BCKDHB: variants seen among roughly 807,000 people sequenced by gnomAD.
The protein encoded by BCKDHB is 2-oxoisovalerate dehydrogenase subunit beta, mitochondrial.
A neutral mutation model predicts 48.5 loss-of-function variants in BCKDHB; 41 were observed. The ratio of observed to expected loss-of-function variants is 0.85; its 90% CI spans 0.66 to 1.10. The LOEUF (loss-of-function observed/expected upper bound fraction) is 1.10, where lower values mean the gene tolerates loss of function less well. BCKDHB is among the 50% of genes least tolerant of loss of function. The pLI is 0.00. For synonymous variants in BCKDHB, 201 were observed against 174.8 expected (o/e 1.15, Z -1.18); for missense variants, 496 against 494.2 (o/e 1.00, Z -0.03).
chr6:80,137,931 TAAAA>T lies in BCKDHB; in HGVS notation c.343+8711_343+8714del, dbSNP rs112757019. ...AGATGACCCCACCCCTACAAAAAAT[TAAAA>T]AAAAAAAATAGCTGAGCAGGGTGGC... On this transcript the variant is annotated intron_variant, in intron 3 of 9. Coordinates refer to ENST00000320393, the MANE Select transcript of BCKDHB (RefSeq NM_183050.4). 1.8e-3 allele frequency among the ~76,000 whole-genome samples: 263 copies of T among 144,756 alleles called. 1 individual carries two copies. Among genetic ancestry groups the T allele is most frequent in the African/African-American group, 6.3e-3 (249 of 39,574 alleles). The allele number at this position is 144,756 out of a possible 152,430, so 95.0% of individuals were successfully genotyped here.
intron 1 of BCKDHB, among the ~76,000 whole-genome samples, chr6:80,108,050 A>G (rs1002032931): frequency 3.3e-5 from 5 of 152,074 alleles, no homozygotes; most frequent in Non-Finnish European, 7.4e-5. Flanking sequence ...CATCTCATTT[A>G]AGGGTTAGGA....
At chr6:80,214,589 G>A (rs1775082987) in intron 8 of BCKDHB, among the ~76,000 whole-genome samples, 2 of 152,160 alleles carry the variant, frequency 1.3e-5, no homozygotes, top group South Asian at 4.1e-4. Flanking sequence ...GATGGAAAGG[G>A]AGCTAGTAAC....
chr6:80,320,872 A>G (rs754770213), intron 9 of BCKDHB, among the ~76,000 whole-genome samples: 1 of 152,190 alleles, frequency 6.6e-6, no homozygotes, highest in Non-Finnish European at 1.5e-5. Context: ...AAATGAAAGT[A>G]TAATGCCTTC....
chr6:80,253,726 A>G (rs1210271387), intron 8 of BCKDHB, among the ~76,000 whole-genome samples: 1 of 152,066 alleles, frequency 6.6e-6, no homozygotes, highest in African/African-American at 2.4e-5. Context: ...TTGCCCCCCA[A>G]AGTCATAGCT....
At chr6:80,249,721 TA>T (rs1461610943) in intron 8 of BCKDHB, among the ~76,000 whole-genome samples, 5 of 152,184 alleles carry the variant, frequency 3.3e-5, no homozygotes, top group Non-Finnish European at 5.9e-5. Context: ...GATTTGAATG[TA>T]AAAAGTTTTA....
intron 6 of BCKDHB, among the ~76,000 whole-genome samples, chr6:80,193,641 A>G (rs1010451902): frequency 4.6e-5 from 7 of 151,354 alleles, no homozygotes; most frequent in African/African-American, 1.7e-4. Context: ...AATTGCATGA[A>G]CCCAGGAGGT....
chr6:80,381,270 A>G, the BCKDHB span, among the ~76,000 whole-genome samples: 3 of 152,000 alleles, frequency 2.0e-5, no homozygotes, highest in Admixed American at 2.0e-4. Context: ...GACACCTCTG[A>G]GAATAGAACT....
chr6:80,123,982 G>A (rs565971248), intron 1 of BCKDHB, among the ~76,000 whole-genome samples: 1 of 152,164 alleles, frequency 6.6e-6, no homozygotes, highest in Non-Finnish European at 1.5e-5. Flanking sequence ...TAATTGTGAT[G>A]TTAGGGTGTC....
intron 3 of BCKDHB, among the ~76,000 whole-genome samples, chr6:80,159,067 AT>A (rs1772190808): frequency 1.3e-5 from 2 of 152,316 alleles, no homozygotes; most frequent in South Asian, 4.1e-4. Context: ...AGGTGTTAAT[AT>A]TTGGTAACTC....
chr6:80,434,792 A>C, the BCKDHB span, among the ~76,000 whole-genome samples: 1 of 152,166 alleles, frequency 6.6e-6, no homozygotes, highest in African/African-American at 2.4e-5. Flanking sequence ...TGGTGGAAAT[A>C]TGTTCATGCC....
intron 1 of BCKDHB, among the ~76,000 whole-genome samples, chr6:80,122,315 TC>T (rs1291176282): frequency 6.6e-6 from 1 of 152,196 alleles, no homozygotes; most frequent in African/African-American, 2.4e-5. Flanking sequence ...AAAATTCTCT[TC>T]TTTTGTTGTG....
intron 9 of BCKDHB, 199 bp from the exon 10 acceptor site, chr6:80,343,465 A>G (rs1456391133): frequency 3.2e-6 from 2 of 621,168 alleles, no homozygotes; most frequent in Non-Finnish European, 5.6e-6. Flanking sequence ...ATGCATATGC[A>G]TACATGAAAA....
intron 8 of BCKDHB, among the ~76,000 whole-genome samples, chr6:80,271,169 T>C (rs561652809): frequency 6.6e-6 from 1 of 152,284 alleles, no homozygotes; most frequent in South Asian, 2.1e-4. Context: ...TGCTCACTGC[T>C]GTGGTGGTTG....
chr6:80,449,667 T>C, the BCKDHB span, among the ~76,000 whole-genome samples: 2,706 of 152,304 alleles, frequency 0.018, 94 homozygotes, highest in African/African-American at 0.06. Context: ...AATTACATCA[T>C]ATCGAGGGTC....
chr6:80,317,498 CCTT>C (rs774251213), intron 9 of BCKDHB, among the ~76,000 whole-genome samples: 8 of 152,166 alleles, frequency 5.3e-5, no homozygotes, highest in Non-Finnish European at 1.2e-4. Context: ...TCTCGCTGAC[CCTT>C]CTTCTATAGT....
intron 3 of BCKDHB, among the ~76,000 whole-genome samples, chr6:80,153,654 C>T (rs1269230460): frequency 6.6e-6 from 1 of 152,170 alleles, no homozygotes; most frequent in Non-Finnish European, 1.5e-5. Context: ...TTATTTTCCT[C>T]AACACTATCC....
At chr6:80,447,273 G>C in the BCKDHB span, among the ~76,000 whole-genome samples, 2 of 152,022 alleles carry the variant, frequency 1.3e-5, no homozygotes, top group Non-Finnish European at 2.9e-5. Flanking sequence ...TCAGATGCAT[G>C]ATGTATGTGA....
At chr6:80,359,697 T>C in the BCKDHB span, among the ~76,000 whole-genome samples, 81 of 152,196 alleles carry the variant, frequency 5.3e-4, 1 homozygote, top group East Asian at 9.7e-4. Flanking sequence ...CTGGTTCAAG[T>C]GATTCTCCTG....
At chr6:80,335,661 A>G (rs1216529205) in intron 9 of BCKDHB, among the ~76,000 whole-genome samples, 2 of 152,094 alleles carry the variant, frequency 1.3e-5, no homozygotes, top group African/African-American at 2.4e-5. Context: ...AGCCTCAAAC[A>G]TCTTTAGAGG....
Sources: allele counts gnomAD v4.1 joint callset (sites outside exome capture counted in the v4.1 genomes callset), GRCh38; gene constraint gnomAD v4.1.1; transcripts MANE v1.5; gene names NCBI Gene and HGNC (gene_info 2026-07-23, HGNC 2026-07-21).